Variants in RAP1A observed in about 807,000 individuals in gnomAD.
RAP1A encodes RAP1A, member of RAS oncogene family.
Under a neutral mutation model 26.4 loss-of-function variants are expected in RAP1A, and 6 were observed. The observed-to-expected ratio is 0.23, with a 90% confidence interval of 0.12 to 0.45. The LOEUF is 0.45. Ranked by LOEUF, RAP1A falls within the 20% of genes least tolerant of loss-of-function variation. The probability of loss-of-function intolerance (pLI) is 0.99; values close to 1 mark genes in which losing one functional copy is unlikely to be tolerated. For synonymous variants in RAP1A, 73 were observed against 79.4 expected, an observed-to-expected ratio of 0.92 and a Z score of 0.43; for missense variants, 121 against 217.2, an observed-to-expected ratio of 0.56 and a Z score of 2.78.
At chr1:111,545,297 T>G (rs75975583) in intron 1 of RAP1A, among the ~76,000 whole-genome samples, 1,862 of 152,248 alleles carry the variant, frequency 0.012, 34 homozygotes, top group African/African-American at 0.042. Context: ...TTTTTCCTTT[T>G]TTTTAATTAA....
At chr1:111,573,425 C>G (rs1273105771) in intron 1 of RAP1A, among the ~76,000 whole-genome samples, 1 of 151,926 alleles carries the variant, frequency 6.6e-6, no homozygotes, top group Non-Finnish European at 1.5e-5. Flanking sequence ...TTTTTTGCCT[C>G]CCGGGTTGAA....
chr1:111,640,318 A>G (rs968327920), intron 1 of RAP1A, among the ~76,000 whole-genome samples: 2 of 152,210 alleles, frequency 1.3e-5, no homozygotes, highest in African/African-American at 4.8e-5. Flanking sequence ...AAACTATGTG[A>G]TATTTTGTGT....
intron 1 of RAP1A, among the ~76,000 whole-genome samples, chr1:111,583,786 TAAC>T (rs766409083): frequency 7.2e-5 from 11 of 151,958 alleles, no homozygotes; most frequent in Admixed American, 3.3e-4. Context: ...ACGTTATACT[TAAC>T]AAGAGTAATA....
intron 1 of RAP1A, among the ~76,000 whole-genome samples, chr1:111,664,398 A>T (rs1405501907): frequency 7.5e-6 from 1 of 132,862 alleles, no homozygotes; most frequent in East Asian, 2.4e-4. Context: ...AAAAAAAAAA[A>T]CAAAAAACAA....
At chr1:111,560,466 A>G (rs1216807077) in intron 1 of RAP1A, among the ~76,000 whole-genome samples, 1 of 113,392 alleles carries the variant, frequency 8.8e-6, no homozygotes, top group Non-Finnish European at 1.7e-5. Flanking sequence ...TAGCAGGTAC[A>G]CAATATCCAA....
At chr1:111,699,784 G>C (rs1661961453) in intron 4 of RAP1A, among the ~76,000 whole-genome samples, 1 of 151,756 alleles carries the variant, frequency 6.6e-6, no homozygotes, top group Non-Finnish European at 1.5e-5. Context: ...ATTTCCTTTA[G>C]TGCCCTTCAA....
intron 1 of RAP1A, among the ~76,000 whole-genome samples, chr1:111,597,955 CAT>C (rs1404137609): frequency 3.3e-5 from 5 of 152,270 alleles, no homozygotes; most frequent in African/African-American, 1.2e-4. Flanking sequence ...ATACTACTGA[CAT>C]AGGAAAAAGG....
At chr1:111,603,934 A>G (rs1192467911) in intron 1 of RAP1A, among the ~76,000 whole-genome samples, 3 of 152,244 alleles carry the variant, frequency 2.0e-5, no homozygotes, top group Non-Finnish European at 4.4e-5. Context: ...AGAAATGTAG[A>G]CATTTTGCTC....
chr1:111,708,103 G>C (rs759976909), intron 6 of RAP1A, among the ~76,000 whole-genome samples: 1 of 152,198 alleles, frequency 6.6e-6, no homozygotes, highest in African/African-American at 2.4e-5. Context: ...TTGAGCCTGG[G>C]AAGTGGAAGT....
At chr1:111,636,087 A>G (rs1242721153) in intron 1 of RAP1A, among the ~76,000 whole-genome samples, 8 of 152,166 alleles carry the variant, frequency 5.3e-5, no homozygotes, top group African/African-American at 1.9e-4. Flanking sequence ...TTAGCATGAA[A>G]AATTTATAAT....
intron 1 of RAP1A, among the ~76,000 whole-genome samples, chr1:111,620,402 T>G (rs1450505675): frequency 1.3e-5 from 2 of 150,386 alleles, no homozygotes; most frequent in African/African-American, 2.4e-5. Flanking sequence ...GGTCAGAGCT[T>G]CCTTCAAACC....
chr1:111,648,759 A>G (rs1660162196), intron 1 of RAP1A: 42 of 603,356 alleles, frequency 7.0e-5, no homozygotes, highest in South Asian at 5.4e-4. Flanking sequence ...GCCCTCCTCA[A>G]TCTGCTGAGA....
intron 1 of RAP1A, among the ~76,000 whole-genome samples, chr1:111,583,489 C>G (rs546086523): frequency 6.6e-6 from 1 of 151,230 alleles, no homozygotes; most frequent in South Asian, 2.1e-4. Flanking sequence ...AAAATACAGT[C>G]AGTTTAAGCA....
intron 1 of RAP1A, among the ~76,000 whole-genome samples, chr1:111,587,736 C>T (rs946252737): frequency 6.6e-6 from 1 of 152,132 alleles, no homozygotes; most frequent in Admixed American, 6.6e-5. Context: ...TGCAATCTGG[C>T]AAACATGTTC....
intron 1 of RAP1A, among the ~76,000 whole-genome samples, chr1:111,677,889 G>C (rs1661176486): frequency 6.6e-6 from 1 of 152,188 alleles, no homozygotes; most frequent in Non-Finnish European, 1.5e-5. Flanking sequence ...AAGGAGACCA[G>C]GATCATTGAT....
chr1:111,653,935 C>G (rs1005279534), intron 1 of RAP1A, among the ~76,000 whole-genome samples: 2 of 151,910 alleles, frequency 1.3e-5, no homozygotes, highest in African/African-American at 4.8e-5. Context: ...GGGTATAAAC[C>G]AAGATATTAT....
At chr1:111,563,849 G>A in intron 1 of RAP1A, 2 of 1,612,114 alleles carry the variant, frequency 1.2e-6, no homozygotes, top group East Asian at 4.5e-5. Flanking sequence ...GACTCACTGT[G>A]ACTCAGGACT....
intron 1 of RAP1A, among the ~76,000 whole-genome samples, chr1:111,661,663 G>A (rs1340836863): frequency 1.3e-5 from 2 of 152,014 alleles, no homozygotes; most frequent in African/African-American, 2.4e-5. Flanking sequence ...GCCGGGCGTG[G>A]TGGCGCATGC....
intron 1 of RAP1A, among the ~76,000 whole-genome samples, chr1:111,554,522 G>T (rs1271817477): frequency 6.6e-6 from 1 of 152,204 alleles, no homozygotes; most frequent in Non-Finnish European, 1.5e-5. Context: ...AGGACAATAA[G>T]TCTCAGGTCT....
Sources: gnomAD v4.1 joint callset for allele counts (sites outside exome capture counted in the v4.1 genomes callset) on GRCh38, gnomAD v4.1.1 for gene constraint, MANE v1.5 for transcripts, NCBI Gene and HGNC (gene_info 2026-07-23, HGNC 2026-07-21) for gene names.